LAMA2: variants seen among roughly 807,000 people sequenced by gnomAD.
LAMA2 encodes the protein laminin subunit alpha 2, also known as laminin subunit alpha-2.
LAMA2 carries 269 observed loss-of-function variants against 364.8 expected under a neutral mutation model. The observed-to-expected ratio is 0.74, with a 90% CI of 0.67 to 0.82. The LOEUF is 0.82. Among genes scored for constraint, LAMA2 ranks in the 40% least tolerant of loss-of-function variants. The pLI, the probability that LAMA2 is intolerant of heterozygous loss-of-function variation, is 0.00. For missense variants in LAMA2, 3,807 were observed against 3,873.2 expected (o/e 0.98, Z 0.45); for synonymous variants, 1,379 against 1,370.6 (o/e 1.01, Z -0.14).
chr6:129,087,846 A>G (rs1413015910), intron 3 of LAMA2, among the ~76,000 whole-genome samples: 1 of 151,480 alleles, frequency 6.6e-6, no homozygotes, highest in Non-Finnish European at 1.5e-5. Flanking sequence ...ATGGGGCAAT[A>G]CATAAGCTTG....
At chr6:128,911,972 A>G (rs551352488) in intron 1 of LAMA2, among the ~76,000 whole-genome samples, 171 of 152,260 alleles carry the variant, frequency 1.1e-3, no homozygotes, top group Non-Finnish European at 1.9e-3. Flanking sequence ...GCATCCATCA[A>G]TATTTTGCTC....
At chr6:129,322,034 T>C (rs933085910) in intron 28 of LAMA2, among the ~76,000 whole-genome samples, 1 of 152,236 alleles carries the variant, frequency 6.6e-6, no homozygotes, top group Non-Finnish European at 1.5e-5. Context: ...CTTTACAAAC[T>C]GACATGCCAT....
intron 5 of LAMA2, among the ~76,000 whole-genome samples, chr6:129,146,349 A>G (rs752642915): frequency 1.3e-5 from 2 of 152,058 alleles, no homozygotes; most frequent in African/African-American, 2.4e-5. Flanking sequence ...AATTAGTAAC[A>G]TAGCTCTATG....
rs1398516348 is a variant in LAMA2, at chr6:129,491,937, C to T, written c.7935C>T (p.Tyr2645=). 6.2e-7 allele frequency: 1 copy of T among 1,613,568 alleles called. No individual in the cohort carries two copies. Among genetic ancestry groups the T allele is most frequent in the Admixed American group, 1.7e-5 (1 of 60,002 alleles). The part of the protein sequence containing the change: ...FTVQVDENRR[Y]MQNLTVEQPI... ...TTCAAGTGGATGAAAACAGAAGATA[C>T]ATGCAAAACCTGACAGTTGAACAGC... is the stretch of plus-strand genomic sequence containing the variant. Residue 2645 remains tyrosine, a synonymous_variant, in exon 57 of 65, where the codon TAC becomes TAT. Coordinates refer to ENST00000421865, the MANE Select transcript of LAMA2 (RefSeq NM_000426.4).
At chr6:129,043,237 T>A (rs1161998425) in intron 1 of LAMA2, among the ~76,000 whole-genome samples, 2 of 152,200 alleles carry the variant, frequency 1.3e-5, no homozygotes, top group African/African-American at 4.8e-5. Flanking sequence ...CCAGTTACTG[T>A]GATCTCTCAC....
chr6:129,456,242 T>A (rs531069812), intron 47 of LAMA2, 93 bp from the exon 48 acceptor site: 1 of 1,272,382 alleles, frequency 7.9e-7, no homozygotes, highest in Non-Finnish European at 1.1e-6. Flanking sequence ...GTCTCCGCAT[T>A]TTATATCTTT....
chr6:129,476,256 A>G (rs1583839132), intron 53 of LAMA2, among the ~76,000 whole-genome samples: 1 of 152,302 alleles, frequency 6.6e-6, no homozygotes, highest in East Asian at 1.9e-4. Flanking sequence ...AATTTTTAAA[A>G]CCGAGGCTAG....
intron 1 of LAMA2, among the ~76,000 whole-genome samples, chr6:128,924,658 G>A (rs1474705932): frequency 1.3e-5 from 2 of 152,098 alleles, no homozygotes; most frequent in African/African-American, 2.4e-5. Context: ...CAATGTACAG[G>A]TAGCTAGGGT....
chr6:128,962,185 T>TACAC lies in LAMA2; in HGVS notation c.112+78832_112+78835dup, dbSNP rs1554335791. On this transcript the variant is annotated intron_variant, in intron 1 of 64. Coordinates refer to ENST00000421865, the MANE Select transcript of LAMA2 (RefSeq NM_000426.4). ...ATATATATATATATATATATATATA[T>TACAC]ACACACATACACACACACATACACA... is the stretch of plus-strand genomic sequence containing the variant. 4.7e-4 allele frequency among the ~76,000 whole-genome samples: 49 copies of TACAC among 103,930 alleles called. 2 individuals are homozygous for TACAC. Among genetic ancestry groups the TACAC allele is most frequent in the African/African-American group, 1.1e-3 (30 of 26,972 alleles). 68.2% of individuals were successfully genotyped at this position (103,930 alleles called of 152,430 possible).
At chr6:129,472,612 A>T (rs1783868578) in intron 51 of LAMA2, among the ~76,000 whole-genome samples, 2 of 152,126 alleles carry the variant, frequency 1.3e-5, no homozygotes, top group South Asian at 4.1e-4. Flanking sequence ...GAAAAGCAAG[A>T]AGGCATGAGG....
At chr6:129,037,705 G>A (rs539468591) in intron 1 of LAMA2, among the ~76,000 whole-genome samples, 25 of 140,930 alleles carry the variant, frequency 1.8e-4, no homozygotes, top group Admixed American at 6.0e-4. Flanking sequence ...TCGCTCTGTC[G>A]CCCAGGCTGG....
chr6:129,478,848 T>C (rs776563800), intron 54 of LAMA2, 35 bp downstream of exon 54: 98 of 1,589,182 alleles, frequency 6.2e-5, no homozygotes, highest in Admixed American at 1.8e-4. Context: ...TAAACACATT[T>C]ATATCAGATT....
chr6:129,250,289 T>A, intron 13 of LAMA2, 76 bp downstream of exon 13: 2 of 911,672 alleles, frequency 2.2e-6, no homozygotes, highest in Non-Finnish European at 1.8e-6. Flanking sequence ...ATTTTTTACC[T>A]GCCTGGTTTG....
chr6:129,357,713 A>G (rs537272277), intron 32 of LAMA2, among the ~76,000 whole-genome samples: 1 of 151,948 alleles, frequency 6.6e-6, no homozygotes, highest in South Asian at 2.1e-4. Context: ...TATAATCAAC[A>G]TTGTCGTTTT....
chr6:129,232,103 T>A (rs1300003022), intron 12 of LAMA2, among the ~76,000 whole-genome samples: 3 of 152,118 alleles, frequency 2.0e-5, no homozygotes, highest in Non-Finnish European at 4.4e-5. Flanking sequence ...AGCTGTCTAT[T>A]TAAAGAAGAC....
chr6:128,948,388 A>C (rs1420083487), intron 1 of LAMA2, among the ~76,000 whole-genome samples: 6 of 152,132 alleles, frequency 3.9e-5, no homozygotes, highest in Non-Finnish European at 8.8e-5. Flanking sequence ...TATTCCTAAA[A>C]CACAGAAGTT....
intron 9 of LAMA2, among the ~76,000 whole-genome samples, chr6:129,177,435 G>C (rs1273640330): frequency 6.6e-6 from 1 of 152,092 alleles, no homozygotes; most frequent in Non-Finnish European, 1.5e-5. Flanking sequence ...GTTTTCTATA[G>C]CCATAGTTTG....
chr6:129,058,072 T>A (rs1788610083), intron 2 of LAMA2, among the ~76,000 whole-genome samples: 1 of 152,184 alleles, frequency 6.6e-6, no homozygotes, highest in Admixed American at 6.5e-5. Flanking sequence ...TCTAGTGAGA[T>A]GTGAGGAATT....
chr6:128,967,430 A>T (rs1224346133), intron 1 of LAMA2, among the ~76,000 whole-genome samples: 2 of 152,206 alleles, frequency 1.3e-5, no homozygotes, highest in Non-Finnish European at 2.9e-5. Flanking sequence ...GCACTGTTAG[A>T]TTGGCCTCAT....
Sources: allele counts gnomAD v4.1 joint callset (sites outside exome capture counted in the v4.1 genomes callset), GRCh38; gene constraint gnomAD v4.1.1; transcripts MANE v1.5; gene names NCBI Gene and HGNC (gene_info 2026-07-23, HGNC 2026-07-21).